The following MCPH1 variants were observed in gnomAD, a reference collection of about 807,000 sequenced individuals.
MCPH1 encodes microcephalin.
MCPH1 carries 104 observed loss-of-function variants against 84.5 expected under a neutral mutation model. The ratio of observed to expected loss-of-function variants is 1.23; its 90% CI spans 1.05 to 1.45. The LOEUF is 1.45. MCPH1 is among the 40% of genes most tolerant of loss of function. MCPH1 has a pLI of 0.00. For missense variants in MCPH1, 1,498 were observed against 1,005.7 expected (o/e 1.49, Z -6.62); for synonymous variants, 514 against 366.8 (o/e 1.40, Z -4.58).
chr8:6,560,616 C>G (rs151150849), intron 12 of MCPH1, among the ~76,000 whole-genome samples: 1 of 152,182 alleles, frequency 6.6e-6, no homozygotes, highest in Non-Finnish European at 1.5e-5. Flanking sequence ...TTAAGTCATT[C>G]TTGGGGAAAC....
chr8:6,636,129 A>G (rs1156327482), intron 13 of MCPH1, among the ~76,000 whole-genome samples: 2 of 152,190 alleles, frequency 1.3e-5, no homozygotes, highest in Non-Finnish European at 2.9e-5. Context: ...ACTTGAGGCC[A>G]GGAGTTCAAC....
intron 12 of MCPH1, among the ~76,000 whole-genome samples, chr8:6,589,424 G>T (rs1828266544): frequency 6.6e-6 from 1 of 152,148 alleles, no homozygotes; most frequent in Non-Finnish European, 1.5e-5. Context: ...TATCCAATGA[G>T]TTCATCGACG....
intron 12 of MCPH1, among the ~76,000 whole-genome samples, chr8:6,546,142 T>C (rs559750869): frequency 6.6e-6 from 1 of 152,358 alleles, no homozygotes; most frequent in African/African-American, 2.4e-5. Context: ...CCTACTGTGC[T>C]ATGCTAGTGT....
chr8:6,408,467 C>G (rs536872709), intron 1 of MCPH1, among the ~76,000 whole-genome samples: 1 of 152,094 alleles, frequency 6.6e-6, no homozygotes, highest in Non-Finnish European at 1.5e-5. Context: ...AGCAATCCTC[C>G]CGCCTCCACC....
chr8:6,481,452 C>A (rs79851360), intron 11 of MCPH1, among the ~76,000 whole-genome samples: 2,206 of 152,264 alleles, frequency 0.014, 56 homozygotes, highest in African/African-American at 0.051. Flanking sequence ...GTTATTGGTT[C>A]TATTATTACT....
chr8:6,430,769 G>T (rs577591806), intron 3 of MCPH1, among the ~76,000 whole-genome samples: 1 of 152,260 alleles, frequency 6.6e-6, no homozygotes, highest in Admixed American at 6.5e-5. Flanking sequence ...AGTGACAGAA[G>T]GTTTTTATCT....
At chr8:6,502,299 C>A (rs1812339202) in intron 12 of MCPH1, 1 of 151,902 alleles carries the variant, frequency 6.6e-6, no homozygotes, top group South Asian at 2.1e-4. Flanking sequence ...AGGCATATCC[C>A]CTAATAAGTT....
At chr8:6,514,583 G>T in intron 12 of MCPH1, 1 of 1,077,370 alleles carries the variant, frequency 9.3e-7, no homozygotes, top group Non-Finnish European at 1.4e-6. Context: ...AAAGTCATTG[G>T]TTAGTTTGGG....
rs1798255466 is a variant in MCPH1, at chr8:6,647,190, C to G, written c.*4141C>G. On this transcript the variant is annotated 3_prime_UTR_variant, in exon 14 of 14. Transcript: ENST00000344683. ...CATTAAAATGCTCAATATTATTAGT[C>G]ACTAGGGAAATACAAATTAAAGGCC... is the stretch of plus-strand genomic sequence containing the variant. The G allele has an allele frequency of 6.6e-6, 1 of 152,072 alleles. No homozygotes were observed. The highest frequency in any genetic ancestry group is 1.5e-5 in the Non-Finnish European group (1 of 68,006). 9.4% of individuals were successfully genotyped at this position (152,072 alleles called of 1,614,324 possible). A position where few individuals can be genotyped will look rare whatever the true frequency, so the allele number is the denominator to read the frequency against.
At chr8:6,501,085 A>C (rs1812087464) in intron 12 of MCPH1, 1 of 152,188 alleles carries the variant, frequency 6.6e-6, no homozygotes, top group African/African-American at 2.4e-5. Context: ...AACCTTCTTA[A>C]ATATAAAGTA....
At chr8:6,451,252 T>A (rs1301153163) in intron 8 of MCPH1, among the ~76,000 whole-genome samples, 1 of 152,250 alleles carries the variant, frequency 6.6e-6, no homozygotes, top group East Asian at 1.9e-4. Context: ...AACAGAAGGC[T>A]ATTGACCACT....
intron 12 of MCPH1, among the ~76,000 whole-genome samples, chr8:6,540,158 G>A (rs1290291583): frequency 6.6e-6 from 1 of 152,160 alleles, no homozygotes; most frequent in Non-Finnish European, 1.5e-5. Context: ...TTCTTTGAGT[G>A]CAGCTGCATA....
At chr8:6,474,043 A>G (rs1440776873) in intron 9 of MCPH1, 1 of 819,334 alleles carries the variant, frequency 1.2e-6, no homozygotes, top group East Asian at 2.4e-5. Context: ...CCCTCATTTG[A>G]AGTATTTCGT....
At chr8:6,619,694 C>T (rs948129664) in intron 12 of MCPH1, among the ~76,000 whole-genome samples, 3 of 152,164 alleles carry the variant, frequency 2.0e-5, no homozygotes, top group Admixed American at 2.0e-4. Flanking sequence ...ACACCATTCT[C>T]CTGCCTCAGC....
intron 12 of MCPH1, 60 bp downstream of exon 12, chr8:6,499,989 T>C: frequency 2.1e-6 from 3 of 1,430,596 alleles, no homozygotes; most frequent in Non-Finnish European, 3.0e-6. Flanking sequence ...GAAATTATTA[T>C]AAACATAAGG....
chr8:6,513,913 C>T, intron 12 of MCPH1: 3 of 1,389,260 alleles, frequency 2.2e-6, no homozygotes, highest in African/African-American at 2.9e-5. Context: ...AGTGGATAGT[C>T]CGTCAACTTA....
intron 12 of MCPH1, among the ~76,000 whole-genome samples, chr8:6,580,569 T>C (rs1827484767): frequency 6.6e-6 from 1 of 152,182 alleles, no homozygotes; most frequent in South Asian, 2.1e-4. Context: ...GCAGAATTGC[T>C]TAAACCGGGA....
intron 11 of MCPH1, among the ~76,000 whole-genome samples, chr8:6,488,219 CCT>C (rs1445551855): frequency 2.0e-5 from 3 of 152,224 alleles, no homozygotes; most frequent in African/African-American, 4.8e-5. Context: ...CCTCCATCCC[CCT>C]GTCTGCTGCT....
chr8:6,641,760 T>C (rs1213771597), intron 13 of MCPH1, among the ~76,000 whole-genome samples: 1 of 152,170 alleles, frequency 6.6e-6, no homozygotes, highest in African/African-American at 2.4e-5. Context: ...AGAAAAAATA[T>C]GTAAATCATA....
Sources: allele counts gnomAD v4.1 joint callset (sites outside exome capture counted in the v4.1 genomes callset), GRCh38; gene constraint gnomAD v4.1.1; transcripts MANE v1.5; gene names NCBI Gene and HGNC (gene_info 2026-07-23, HGNC 2026-07-21).